Variants in LIPC observed in about 807,000 individuals in gnomAD.
LIPC encodes hepatic triacylglycerol lipase.
A neutral mutation model predicts 50.7 loss-of-function variants in LIPC; 44 were observed. The observed-to-expected ratio is 0.87, with a 90% CI of 0.68 to 1.11. LIPC has a LOEUF of 1.11. Ranked by LOEUF, LIPC falls within the 50% of genes most tolerant of loss-of-function variation. The probability of loss-of-function intolerance (pLI) is 0.00; values close to 1 mark genes in which losing one functional copy is unlikely to be tolerated. For synonymous variants in LIPC, 271 were observed against 256.4 expected, an observed-to-expected ratio of 1.06 and a Z score of -0.54; for missense variants, 697 against 648.2, an observed-to-expected ratio of 1.08 and a Z score of -0.82.
intron 1 of LIPC, among the ~76,000 whole-genome samples, chr15:58,535,652 T>A (rs988816162): frequency 3.3e-5 from 5 of 152,214 alleles, no homozygotes; most frequent in Middle Eastern, 3.2e-3. Context: ...ATCAGAAATG[T>A]AAGATGCTAG....
chr15:58,493,455 C>G (rs1891652354), intron 1 of LIPC, among the ~76,000 whole-genome samples: 1 of 150,878 alleles, frequency 6.6e-6, no homozygotes. Flanking sequence ...TTAGATCCTG[C>G]CATTCACAAT....
At chr15:58,552,186 C>T (rs1893785658) in intron 6 of LIPC, among the ~76,000 whole-genome samples, 1 of 152,300 alleles carries the variant, frequency 6.6e-6, no homozygotes, top group Admixed American at 6.5e-5. Flanking sequence ...AAGGGGCCCT[C>T]GGGGGGCACT....
At chr15:58,543,842 G>A (rs748923143) in intron 4 of LIPC, among the ~76,000 whole-genome samples, 16 of 152,078 alleles carry the variant, frequency 1.1e-4, no homozygotes, top group South Asian at 4.2e-4. Flanking sequence ...GGCTGGTCTC[G>A]AACTCCCAAC....
intron 1 of LIPC, among the ~76,000 whole-genome samples, chr15:58,502,664 T>C (rs1304623794): frequency 6.6e-6 from 1 of 152,170 alleles, no homozygotes; most frequent in African/African-American, 2.4e-5. Context: ...GCTCTAATTA[T>C]CTCCTTAATG....
In LIPC at chr15:58,538,437, C is replaced by T. The variant is rs369262181; in HGVS notation, c.193C>T (p.Arg65Ter). 9.3e-6 allele frequency: 15 copies of T among 1,614,184 alleles called. No homozygotes were observed. In the Admixed American group the frequency reaches 1.3e-4, roughly 14 times the overall value. ...AGAAACCAATCAGGGCTGTCAGATT[C>T]GAATCAATCATCCGGACACGTTACA... ...FGETNQGCQI[R>*]INHPDTLQEC... The change falls in exon 2 of 9, where the codon CGA becomes TGA. Residue 65 changes from arginine to a stop codon, truncating the protein, a stop_gained. Transcript: ENST00000299022. LOFTEE classifies it high-confidence loss of function.
chr15:58,458,497 G>A (rs1266472997), intron 1 of LIPC, among the ~76,000 whole-genome samples: 1 of 152,132 alleles, frequency 6.6e-6, no homozygotes, highest in Admixed American at 6.5e-5. Flanking sequence ...TTTCCTCCAA[G>A]TCAAAACATT....
At chr15:58,494,769 T>C (rs140840927) in intron 1 of LIPC, 707 of 456,280 alleles carry the variant, frequency 1.5e-3, no homozygotes, top group Non-Finnish European at 1.9e-3. Flanking sequence ...AGTTAGCTTT[T>C]TACCTGAATG....
intron 4 of LIPC, 105 bp from the exon 5 acceptor site, chr15:58,545,637 T>G: frequency 1.0e-6 from 1 of 963,374 alleles, no homozygotes; most frequent in Non-Finnish European, 1.6e-6. Context: ...GTGTTTCTTC[T>G]TCCTGCTAGT....
intron 6 of LIPC, among the ~76,000 whole-genome samples, chr15:58,560,014 G>A (rs1894102983): frequency 6.6e-6 from 1 of 152,102 alleles, no homozygotes; most frequent in South Asian, 2.1e-4. Context: ...TATAAAATGG[G>A]GGTGATAATA....
rs115278822 is a variant in LIPC at position 58,566,556 on chromosome 15, C to A, written c.1389-2160C>A. On this transcript the variant is annotated intron_variant, in intron 8 of 8. Coordinates refer to ENST00000299022, the MANE Select transcript of LIPC (RefSeq NM_000236.3). ...ACATTAAACTCTACACTCGTAATAT[C>A]GCTGCTAAGTGCAAGTGGGAAAAGA... 2.1e-3 allele frequency: 1,312 copies of A among 638,038 alleles called. 14 individuals carry two copies. The African/African-American group carries it at 0.024, about 12-fold the overall frequency. The allele number at this position is 638,038 out of a possible 1,614,324, so 39.5% of individuals were successfully genotyped here.
chr15:58,443,249 T>C (rs1595850619), intron 1 of LIPC, among the ~76,000 whole-genome samples: 2 of 152,278 alleles, frequency 1.3e-5, no homozygotes, highest in East Asian at 1.9e-4. Context: ...CTGGGACATA[T>C]TCTCAACTTC....
chr15:58,564,950 C>T (rs1362544212), intron 8 of LIPC, among the ~76,000 whole-genome samples: 3 of 152,138 alleles, frequency 2.0e-5, no homozygotes, highest in Admixed American at 1.3e-4. Context: ...CTTCACTTGT[C>T]GCGAAGGCCA....
intron 1 of LIPC, among the ~76,000 whole-genome samples, chr15:58,514,029 CAG>C (rs1892412094): frequency 6.6e-6 from 1 of 152,190 alleles, no homozygotes; most frequent in Non-Finnish European, 1.5e-5. Flanking sequence ...GTGAAGCAAT[CAG>C]ATGTTGTTAC....
chr15:58,460,386 G>A (rs1273102628), intron 1 of LIPC, among the ~76,000 whole-genome samples: 1 of 152,228 alleles, frequency 6.6e-6, no homozygotes, highest in Non-Finnish European at 1.5e-5. Context: ...AAAGGTGAAG[G>A]CTGGATGGGA....
chr15:58,487,832 C>T (rs1327724866), intron 1 of LIPC, among the ~76,000 whole-genome samples: 16 of 152,144 alleles, frequency 1.1e-4, no homozygotes, highest in African/African-American at 3.9e-4. Flanking sequence ...CTTGTGTTGG[C>T]CCTGGATAGA....
chr15:58,563,522 G>C lies in LIPC; in HGVS notation c.1187G>C (p.Ser396Thr), dbSNP rs1015457944. 6.2e-7 allele frequency: 1 copy of C among 1,613,972 alleles called. No individual in the cohort carries two copies. Among genetic ancestry groups the C allele is most frequent in the South Asian group, 1.1e-5 (1 of 91,084 alleles). ...TATTCAAGGGGCAAAGGAATTGCTA[G>C]TAATAAAACGTATTCCTTTCTTATC... is the stretch of plus-strand genomic sequence containing the variant. ...IPITLGKGIA[S>T]NKTYSFLITL... Residue 396 changes from serine to threonine, a missense_variant, in exon 8 of 9, where the codon AGT becomes ACT. Coordinates refer to ENST00000299022, the MANE Select transcript of LIPC (RefSeq NM_000236.3).
intron 1 of LIPC, among the ~76,000 whole-genome samples, chr15:58,528,253 C>T (rs950954400): frequency 6.6e-6 from 1 of 152,074 alleles, no homozygotes; most frequent in Non-Finnish European, 1.5e-5. Flanking sequence ...GGGAGGGGAA[C>T]ATTCCTGCAG....
chr15:58,541,990 C>T (rs755891803), intron 3 of LIPC, 23 bp downstream of exon 3: 1 of 1,593,694 alleles, frequency 6.3e-7, no homozygotes, highest in African/African-American at 1.3e-5. Flanking sequence ...CCCATCCTTC[C>T]TTCACCTCCC....
At chr15:58,502,871 A>G (rs1431760991) in intron 1 of LIPC, among the ~76,000 whole-genome samples, 2 of 150,912 alleles carry the variant, frequency 1.3e-5, no homozygotes, top group African/African-American at 2.4e-5. Context: ...TGAAGAGGAC[A>G]TGGTTATCAG....
Sources: allele counts gnomAD v4.1 joint callset (sites outside exome capture counted in the v4.1 genomes callset), GRCh38; gene constraint gnomAD v4.1.1; transcripts MANE v1.5; gene names NCBI Gene and HGNC (gene_info 2026-07-23, HGNC 2026-07-21).